The following LHFPL3 variants were observed in gnomAD, a reference collection of about 807,000 sequenced individuals.
LHFPL3 encodes the protein LHFPL tetraspan subfamily member 3 protein.
In LHFPL3, 5 loss-of-function variants were observed where a neutral mutation model predicts 19.3. The observed-to-expected ratio is 0.26, with a 90% CI of 0.14 to 0.54. The LOEUF (loss-of-function observed/expected upper bound fraction) is 0.54. Ranked by LOEUF, LHFPL3 falls within the 20% of genes least tolerant of loss-of-function variation. The pLI is 0.94. For synonymous variants in LHFPL3, 133 were observed against 126.2 expected (o/e 1.05, Z -0.36); for missense variants, 249 against 307.4 (o/e 0.81, Z 1.42).
At chr7:104,352,147 A>C (rs1377807367) in intron 1 of LHFPL3, among the ~76,000 whole-genome samples, 1 of 151,932 alleles carries the variant, frequency 6.6e-6, no homozygotes, top group Non-Finnish European at 1.5e-5. Flanking sequence ...CTTGGACCTC[A>C]GAGCGAGGCC....
At chr7:104,538,914 C>A (rs1584388729) in intron 1 of LHFPL3, among the ~76,000 whole-genome samples, 3 of 152,126 alleles carry the variant, frequency 2.0e-5, no homozygotes, top group Admixed American at 6.5e-5. Flanking sequence ...AATCAGAGAA[C>A]CTTTCCTGTT....
chr7:104,695,662 G>A (rs922993391), intron 1 of LHFPL3, among the ~76,000 whole-genome samples: 4 of 152,162 alleles, frequency 2.6e-5, no homozygotes, highest in Non-Finnish European at 5.9e-5. Flanking sequence ...GAAATAGGGT[G>A]ACAAGAGGAA....
At chr7:104,896,365 C>G (rs1182111465) in intron 2 of LHFPL3, among the ~76,000 whole-genome samples, 1 of 152,184 alleles carries the variant, frequency 6.6e-6, no homozygotes, top group Non-Finnish European at 1.5e-5. Flanking sequence ...CTTGCCTGAT[C>G]TCAGAAGCTA....
At chr7:104,792,955 G>T (rs757505903) in intron 2 of LHFPL3, among the ~76,000 whole-genome samples, 14 of 152,172 alleles carry the variant, frequency 9.2e-5, no homozygotes, top group Non-Finnish European at 1.6e-4. Context: ...GAGTGCAATG[G>T]CATGATCTTG....
At position 104,355,787 on chromosome 7, in the gene LHFPL3, C is replaced by T. The variant is rs768476854; in HGVS notation, c.445+26563C>T. On this transcript the variant is annotated intron_variant, in intron 1 of 2. Coordinates refer to ENST00000424859, the MANE Select transcript of LHFPL3 (RefSeq NM_199000.3). Reference sequence around the variant, plus strand: ...TGGACCGGGACCTGAAACTACATAGCGGCAAAGGCTCTTCCTCCACTGGCA... The same window carrying T: ...TGGACCGGGACCTGAAACTACATAGTGGCAAAGGCTCTTCCTCCACTGGCA... Among the ~76,000 whole-genome samples the T allele has an allele frequency of 3.3e-5, 5 of 152,180 alleles. No individual in the cohort carries two copies. In the South Asian group the frequency reaches 6.2e-4, roughly 19 times the overall value.
intron 2 of LHFPL3, among the ~76,000 whole-genome samples, chr7:104,782,229 A>G (rs1789817738): frequency 6.6e-6 from 1 of 152,184 alleles, no homozygotes; most frequent in Non-Finnish European, 1.5e-5. Flanking sequence ...ACTTCTCCAC[A>G]TGGTCTCTTC....
intron 2 of LHFPL3, among the ~76,000 whole-genome samples, chr7:104,875,691 A>G (rs1791925508): frequency 6.6e-6 from 1 of 152,234 alleles, no homozygotes; most frequent in African/African-American, 2.4e-5. Context: ...TATATGATAA[A>G]TAAATAAACA....
intron 1 of LHFPL3, among the ~76,000 whole-genome samples, chr7:104,440,215 A>G (rs764674291): frequency 6.6e-6 from 1 of 151,972 alleles, no homozygotes; most frequent in Admixed American, 6.6e-5. Context: ...CATGTACACC[A>G]TGAAATACTC....
At chr7:104,397,917 T>C (rs753902086) in intron 1 of LHFPL3, among the ~76,000 whole-genome samples, 7 of 152,182 alleles carry the variant, frequency 4.6e-5, no homozygotes, top group Admixed American at 2.0e-4. Flanking sequence ...TTGAGTTTCA[T>C]TGAGAGCAGA....
intron 2 of LHFPL3, among the ~76,000 whole-genome samples, chr7:104,856,092 G>A (rs1213100545): frequency 6.6e-6 from 1 of 152,094 alleles, no homozygotes; most frequent in East Asian, 1.9e-4. Flanking sequence ...ATTTAGATGA[G>A]CATCTGTCAC....
intron 1 of LHFPL3, among the ~76,000 whole-genome samples, chr7:104,694,577 G>A (rs1792963753): frequency 1.3e-5 from 2 of 152,130 alleles, no homozygotes; most frequent in South Asian, 4.1e-4. Flanking sequence ...ACAAAGGTTT[G>A]TGGACACAAT....
chr7:104,423,068 A>G (rs1014979992), intron 1 of LHFPL3, among the ~76,000 whole-genome samples: 1 of 123,958 alleles, frequency 8.1e-6, no homozygotes, highest in Non-Finnish European at 1.8e-5. Context: ...TAGTGAGGGA[A>G]GAGAGAAAAT....
chr7:104,640,120 TTTTAC>T (rs1791804017), intron 1 of LHFPL3, among the ~76,000 whole-genome samples: 1 of 152,180 alleles, frequency 6.6e-6, no homozygotes, highest in African/African-American at 2.4e-5. Flanking sequence ...TAAAATTTTA[TTTTAC>T]TTTAAGTTCT....
At chr7:104,610,228 G>A (rs1207596469) in intron 1 of LHFPL3, among the ~76,000 whole-genome samples, 4 of 152,078 alleles carry the variant, frequency 2.6e-5, no homozygotes, top group Admixed American at 6.6e-5. Context: ...CTCACTAAAT[G>A]TCTGGCATCT....
chr7:104,736,876 G>A lies in LHFPL3; in HGVS notation c.647G>A (p.Ser216Asn), dbSNP rs1490165668. ...TTTGTGCTTGGTAATCGACAAGACA[G>A]CTTGATGGCAGAGGAACTGAAGGCA... Reference protein sequence around the residue: ...LAFVLGNRQDSLMAEELKAEN... With the variant: ...LAFVLGNRQDNLMAEELKAEN... The change falls in exon 2 of 3, where the codon AGC becomes AAC. Residue 216 changes from serine to asparagine, a missense_variant. Physicochemically the swap from Ser to Asn is conservative, Grantham distance 46 (BLOSUM62 1). Transcript: ENST00000424859. The A allele has an allele frequency of 1.2e-6, 2 of 1,610,116 alleles. No homozygotes were observed. The highest frequency in any genetic ancestry group is 1.7e-6 in the Non-Finnish European group (2 of 1,178,186).
At chr7:104,867,891 G>A (rs1791758285) in intron 2 of LHFPL3, among the ~76,000 whole-genome samples, 1 of 152,082 alleles carries the variant, frequency 6.6e-6, no homozygotes, top group African/African-American at 2.4e-5. Context: ...TGATCGAGTG[G>A]GCTTCATCCC....
At chr7:104,829,708 A>G (rs968502401) in intron 2 of LHFPL3, among the ~76,000 whole-genome samples, 5 of 151,782 alleles carry the variant, frequency 3.3e-5, no homozygotes, top group Non-Finnish European at 7.4e-5. Context: ...TATGTGCCAC[A>G]TTTTCTTAAT....
intron 1 of LHFPL3, among the ~76,000 whole-genome samples, chr7:104,525,934 T>C (rs1208466505): frequency 6.6e-6 from 1 of 152,034 alleles, no homozygotes; most frequent in Admixed American, 6.6e-5. Context: ...TGCTTATCTC[T>C]CCTTGGCTTT....
intron 1 of LHFPL3, among the ~76,000 whole-genome samples, chr7:104,350,962 C>T (rs1790161746): frequency 6.6e-6 from 1 of 151,412 alleles, no homozygotes; most frequent in Non-Finnish European, 1.5e-5. Context: ...ATTGCTTGAA[C>T]CTGGGAGGCG....
Sources: allele counts gnomAD v4.1 joint callset (sites outside exome capture counted in the v4.1 genomes callset), GRCh38; gene constraint gnomAD v4.1.1; transcripts MANE v1.5; gene names NCBI Gene and HGNC (gene_info 2026-07-23, HGNC 2026-07-21).